The following PAK1 variants were observed in gnomAD, a reference collection of about 807,000 sequenced individuals.
The protein encoded by PAK1 is serine/threonine-protein kinase PAK 1.
Under a neutral mutation model 67.4 loss-of-function variants are expected in PAK1, and 29 were observed. That is an observed-to-expected ratio of 0.43 (90% CI 0.32 to 0.59). The LOEUF (loss-of-function observed/expected upper bound fraction) is 0.59, where lower values mean the gene tolerates loss of function less well. Among genes scored for constraint, PAK1 ranks in the 20% least tolerant of loss-of-function variants. The pLI is 0.07. For synonymous variants in PAK1, 223 were observed against 237.4 expected (o/e 0.94, Z 0.56); for missense variants, 337 against 670.7 (o/e 0.50, Z 5.50).
In PAK1 at chr11:77,322,703, A is replaced by C. The variant is rs1200306707; in HGVS notation, c.*571T>G. 3.8e-6 allele frequency: 1 copy of C among 262,422 alleles called. No homozygotes were observed. Among genetic ancestry groups the C allele is most frequent in the Admixed American group, 4.8e-5 (1 of 20,696 alleles). 16.3% of individuals were successfully genotyped at this position (262,422 alleles called of 1,614,324 possible). A position where few individuals can be genotyped will look rare whatever the true frequency, so the allele number is the denominator to read the frequency against. On this transcript the variant is annotated 3_prime_UTR_variant, in exon 15 of 15. Transcript: ENST00000356341. ...GCTGCTAGAAGCACACACAAAGAAA[A>C]ATGTGGTTGTTCTCCCATGTCAGGA... is the stretch of plus-strand genomic sequence containing the variant.
chr11:77,366,363 C>T (rs1273231277), intron 5 of PAK1, among the ~76,000 whole-genome samples: 2 of 152,186 alleles, frequency 1.3e-5, no homozygotes, highest in African/African-American at 4.8e-5. Flanking sequence ...CTTTAAAAAA[C>T]ATAATTGTAT....
At chr11:77,325,674 A>G (rs1939640520) in intron 14 of PAK1, among the ~76,000 whole-genome samples, 1 of 152,196 alleles carries the variant, frequency 6.6e-6, no homozygotes, top group Non-Finnish European at 1.5e-5. Context: ...AACTCTCATG[A>G]ACAGCAAAAG....
At chr11:77,386,853 A>C (rs889976138) in intron 2 of PAK1, among the ~76,000 whole-genome samples, 2 of 152,136 alleles carry the variant, frequency 1.3e-5, no homozygotes, top group African/African-American at 4.8e-5. Context: ...AGCTCACTGC[A>C]ACCTCTGCCT....
At chr11:77,508,646 C>T in the PAK1 span, among the ~76,000 whole-genome samples, 1 of 149,614 alleles carries the variant, frequency 6.7e-6, no homozygotes, top group South Asian at 2.1e-4. Flanking sequence ...TGCCTCTCCC[C>T]TACATAGAGA....
intron 1 of PAK1, among the ~76,000 whole-genome samples, chr11:77,423,882 A>ATGACCTC (rs1452713779): frequency 2.0e-5 from 3 of 152,212 alleles, no homozygotes; most frequent in Non-Finnish European, 4.4e-5. Context: ...CTGTAGTCTG[A>ATGACCTC]TGACCTCTGA....
chr11:77,344,687 T>G (rs1374561931), intron 9 of PAK1, among the ~76,000 whole-genome samples: 2 of 152,228 alleles, frequency 1.3e-5, no homozygotes, highest in East Asian at 3.8e-4. Flanking sequence ...GGATGTGACT[T>G]GCATACATAG....
In PAK1 at chr11:77,358,960, C is replaced by A; in HGVS notation, c.535G>T (p.Asp179Tyr). The change falls in exon 6 of 15, where the codon GAT becomes TAT. Residue 179 changes from aspartate to tyrosine, a missense_variant. This residue lies in a region of PAK1 where 150 missense variants were observed against 179.0 expected (regional missense o/e 0.84). Transcript: ENST00000356341. Reference sequence around the variant, plus strand: ...GGTGGGGTAGCATCATCATCATCATCATCCTCATCTTCTGAAACTGGTGGC... The same window carrying A: ...GGTGGGGTAGCATCATCATCATCATAATCCTCATCTTCTGAAACTGGTGGC... ...AVPPVSEDED[D>Y]DDDDATPPPV... The A allele has an allele frequency of 6.2e-7, 1 of 1,613,576 alleles. No individual in the cohort carries two copies. The highest frequency in any genetic ancestry group is 8.5e-7 in the Non-Finnish European group (1 of 1,179,598).
At chr11:77,455,236 T>A (rs1308058654) in intron 1 of PAK1, among the ~76,000 whole-genome samples, 2 of 151,990 alleles carry the variant, frequency 1.3e-5, no homozygotes, top group South Asian at 4.1e-4. Flanking sequence ...TAGGGCATAA[T>A]GTATACACTG....
chr11:77,477,736 C>G (rs183840930), upstream of PAK1, among the ~76,000 whole-genome samples: 335 of 151,974 alleles, frequency 2.2e-3, 3 homozygotes, highest in African/African-American at 7.4e-3. Flanking sequence ...GTCTGGGCGA[C>G]AGAGTGAGAC....
At chr11:77,343,687 G>A in intron 10 of PAK1, 132 bp downstream of exon 10, 2 of 663,634 alleles carry the variant, frequency 3.0e-6, no homozygotes, top group Non-Finnish European at 5.5e-6. Context: ...GTCACATACA[G>A]AGAGCTCAGC....
Position 77,324,750 on chromosome 11 carries a change from T to TACACACACAC in PAK1, c.1552-1400_1552-1391dup, listed in dbSNP as rs142981945. 5.6e-3 allele frequency among the ~76,000 whole-genome samples: 795 copies of TACACACACAC among 140,784 alleles called. 7 individuals are homozygous for TACACACACAC. The highest frequency in any genetic ancestry group is 0.022 in the African/African-American group (737 of 33,844). The allele number at this position is 140,784 out of a possible 152,430, so 92.4% of individuals were successfully genotyped here. ...TGATTAGTCATATTGTATATATGTA[T>TACACACACAC]ACACACACACACACACACACACACA... is the stretch of plus-strand genomic sequence containing the variant. On this transcript the variant is annotated intron_variant, in intron 14 of 14. Transcript: ENST00000356341.
intron 1 of PAK1, among the ~76,000 whole-genome samples, chr11:77,393,472 T>G (rs542176019): frequency 3.3e-5 from 5 of 151,810 alleles, no homozygotes; most frequent in Non-Finnish European, 5.9e-5. Flanking sequence ...TTAAAAAAAA[T>G]TTTTTTGGAG....
chr11:77,372,057 T>C (rs1211723865), intron 5 of PAK1, among the ~76,000 whole-genome samples: 3 of 152,210 alleles, frequency 2.0e-5, no homozygotes, highest in African/African-American at 7.2e-5. Flanking sequence ...GCCTATGAAA[T>C]GGAGATGACA....
At chr11:77,405,678 C>CAG (rs1565675781) in intron 1 of PAK1, among the ~76,000 whole-genome samples, 12 of 127,370 alleles carry the variant, frequency 9.4e-5, no homozygotes, top group African/African-American at 3.9e-4. Context: ...CAGACAGACA[C>CAG]ACACACACAC....
At chr11:77,477,736 C>CATA (rs987500247), upstream of PAK1, among the ~76,000 whole-genome samples, 1 of 151,860 alleles carries the variant, frequency 6.6e-6, no homozygotes, top group Non-Finnish European at 1.5e-5. Flanking sequence ...GTCTGGGCGA[C>CATA]AGAGTGAGAC....
intron 13 of PAK1, among the ~76,000 whole-genome samples, chr11:77,335,461 C>G (rs1156620362): frequency 6.6e-6 from 1 of 152,122 alleles, no homozygotes; most frequent in Non-Finnish European, 1.5e-5. Flanking sequence ...CAATTCAGAC[C>G]AGAAATCTTG....
At chr11:77,428,657 G>T (rs958380826) in intron 1 of PAK1, among the ~76,000 whole-genome samples, 2 of 151,898 alleles carry the variant, frequency 1.3e-5, no homozygotes, top group African/African-American at 4.8e-5. Context: ...TCCATCAGGA[G>T]GGGGAGGAAG....
At chr11:77,416,337 TTAGTC>T (rs1345149820) in intron 1 of PAK1, among the ~76,000 whole-genome samples, 8 of 152,260 alleles carry the variant, frequency 5.3e-5, no homozygotes, top group Non-Finnish European at 1.0e-4. Flanking sequence ...AACACACACT[TTAGTC>T]TAGGCCTACA....
intron 4 of PAK1, among the ~76,000 whole-genome samples, chr11:77,376,612 C>A (rs1014991448): frequency 6.6e-6 from 1 of 151,760 alleles, no homozygotes; most frequent in Non-Finnish European, 1.5e-5. Flanking sequence ...TGGCATGCAC[C>A]TGTAGTCCCA....
Sources: allele counts gnomAD v4.1 joint callset (sites outside exome capture counted in the v4.1 genomes callset), GRCh38; gene constraint gnomAD v4.1.1; regional missense constraint gnomAD v4.1.1; transcripts MANE v1.5; gene names NCBI Gene and HGNC (gene_info 2026-07-23, HGNC 2026-07-21).